Variants in RHBDL3 observed in about 807,000 individuals in gnomAD.
RHBDL3 encodes rhomboid like 3, also known as rhomboid-related protein 3.
A neutral mutation model predicts 48.2 loss-of-function variants in RHBDL3; 28 were observed. The ratio of observed to expected loss-of-function variants is 0.58; its 90% CI spans 0.43 to 0.80. The LOEUF is 0.80. Ranked by LOEUF, RHBDL3 falls within the 30% of genes least tolerant of loss-of-function variation. The pLI, the probability that RHBDL3 is intolerant of heterozygous loss-of-function variation, is 0.00. For missense variants in RHBDL3, 464 were observed against 542.7 expected, an observed-to-expected ratio of 0.85 and a Z score of 1.44; for synonymous variants, 208 against 232.3, an observed-to-expected ratio of 0.90 and a Z score of 0.95.
chr17:32,288,577 G>T (rs931600499), intron 3 of RHBDL3, among the ~76,000 whole-genome samples: 3 of 152,188 alleles, frequency 2.0e-5, no homozygotes, highest in African/African-American at 7.2e-5. Flanking sequence ...GGGAAGACTG[G>T]TGATCATCAA....
intron 7 of RHBDL3, 116 bp downstream of exon 7, chr17:32,305,557 C>G: frequency 1.4e-6 from 1 of 734,918 alleles, no homozygotes; most frequent in Middle Eastern, 2.3e-4. Flanking sequence ...TGACCTGGAG[C>G]AGAGTTCTCA....
At chr17:32,302,032 G>A (rs747864347) in intron 6 of RHBDL3, among the ~76,000 whole-genome samples, 3 of 152,224 alleles carry the variant, frequency 2.0e-5, no homozygotes, top group South Asian at 2.1e-4. Context: ...TTGGGGTGCA[G>A]GATACAGAAT....
rs893777932 is a variant in RHBDL3, at chr17:32,322,776, T to G, written c.*1547T>G. On this transcript the variant is annotated 3_prime_UTR_variant, in exon 9 of 9. Transcript: ENST00000269051. ...GAATGACCCTCCTAACAGGAGCTGGTGCAGGCCCCGAATGGAGGGCATGAG... is the reference window on the plus strand; with the variant it reads ...GAATGACCCTCCTAACAGGAGCTGGGGCAGGCCCCGAATGGAGGGCATGAG... 1 of 152,308 alleles carries G rather than the reference T, an allele frequency of 6.6e-6. No individual in the cohort carries two copies. Among genetic ancestry groups the G allele is most frequent in the Non-Finnish European group, 1.5e-5 (1 of 68,110 alleles). The allele number at this position is 152,308 out of a possible 1,614,324, so 9.4% of individuals were successfully genotyped here.
chr17:32,277,044 G>A (rs2039930929), intron 2 of RHBDL3, among the ~76,000 whole-genome samples: 2 of 152,234 alleles, frequency 1.3e-5, no homozygotes, highest in Non-Finnish European at 2.9e-5. Context: ...TTCTGCCTTG[G>A]TGTGTGTACA....
chr17:32,291,667 C>T (rs1313941390), intron 4 of RHBDL3, among the ~76,000 whole-genome samples: 1 of 151,446 alleles, frequency 6.6e-6, no homozygotes, highest in African/African-American at 2.4e-5. Context: ...GGTGACAGAA[C>T]AAGACTCTTA....
intron 6 of RHBDL3, among the ~76,000 whole-genome samples, chr17:32,302,366 GT>G (rs940608789): frequency 6.6e-6 from 1 of 151,494 alleles, no homozygotes; most frequent in Non-Finnish European, 1.5e-5. Context: ...GTTTTTTGGA[GT>G]TTTTTTTGAG....
At chr17:32,275,637 G>C (rs952187935) in intron 2 of RHBDL3, among the ~76,000 whole-genome samples, 1 of 152,138 alleles carries the variant, frequency 6.6e-6, no homozygotes, top group African/African-American at 2.4e-5. Flanking sequence ...CAAGGGCTCA[G>C]CCTGAGTTCA....
At chr17:32,315,482 CAG>C (rs1223207400) in intron 7 of RHBDL3, among the ~76,000 whole-genome samples, 2 of 152,180 alleles carry the variant, frequency 1.3e-5, no homozygotes, top group Non-Finnish European at 2.9e-5. Context: ...CCAAGATTCT[CAG>C]GGGAGAGAGG....
intron 8 of RHBDL3, among the ~76,000 whole-genome samples, chr17:32,317,080 C>T (rs762929285): frequency 2.0e-5 from 3 of 152,010 alleles, no homozygotes; most frequent in Non-Finnish European, 4.4e-5. Context: ...ACCATGTTGG[C>T]CAGGCTGGTC....
intron 7 of RHBDL3, among the ~76,000 whole-genome samples, chr17:32,313,404 C>A (rs755419550): frequency 6.6e-6 from 1 of 152,126 alleles, no homozygotes; most frequent in Non-Finnish European, 1.5e-5. Flanking sequence ...AATGTACATA[C>A]CATAAAATGT....
chr17:32,293,579 C>CAAA (rs5819974), intron 4 of RHBDL3, among the ~76,000 whole-genome samples: 1 of 120,428 alleles, frequency 8.3e-6, no homozygotes, highest in African/African-American at 3.1e-5. Context: ...GACCCTGTCT[C>CAAA]AAAAAAAAAA....
rs1382319950 is a variant in RHBDL3 at position 32,266,216 on chromosome 17, C to G, written c.27C>G (p.Pro9=). MGEHPSPG[P]AVAACAEAER... is the part of the protein sequence containing the mutation. Reference sequence around the variant, plus strand: ...TGGGCGAGCACCCCAGCCCGGGCCCCGCGGTGGCCGCCTGCGCCGAGGCGG... The same window carrying G: ...TGGGCGAGCACCCCAGCCCGGGCCCGGCGGTGGCCGCCTGCGCCGAGGCGG... The change falls in exon 1 of 9, where the codon CCC becomes CCG. Residue 9 remains proline, a synonymous_variant. Coordinates refer to ENST00000269051, the MANE Select transcript of RHBDL3 (RefSeq NM_138328.3). The G allele has an allele frequency of 7.1e-7, 1 of 1,413,690 alleles. No individual in the cohort carries two copies. The highest frequency in any genetic ancestry group is 1.5e-5 in the African/African-American group (1 of 66,518). 87.6% of individuals were successfully genotyped at this position (1,413,690 alleles called of 1,614,324 possible).
intron 7 of RHBDL3, among the ~76,000 whole-genome samples, chr17:32,305,940 C>G (rs1003387722): frequency 6.6e-6 from 1 of 151,188 alleles, no homozygotes; most frequent in African/African-American, 2.4e-5. Context: ...AATTTGGTCA[C>G]TAGCATATAT....
At position 32,284,723 on chromosome 17, in the gene RHBDL3, G is replaced by GCT. The variant is rs1200902133; in HGVS notation, c.202_203dup (p.Lys69ProfsTer31). 1.2e-6 allele frequency: 2 copies of GCT among 1,614,148 alleles called. No individual in the cohort carries two copies. The highest frequency in any genetic ancestry group is 2.7e-5 in the African/African-American group (2 of 75,060). Reference sequence around the variant, plus strand: ...TTCCGGAGTCTTCTGGAGAGCCACAGCTCCAAGCTGGACCCGCACAAAAGG... The same window carrying GCT: ...TTCCGGAGTCTTCTGGAGAGCCACAGCTCTCCAAGCTGGACCCGCACAAAAGG... On this transcript the variant is annotated frameshift_variant, in exon 3 of 9. Coordinates refer to ENST00000269051, the MANE Select transcript of RHBDL3 (RefSeq NM_138328.3). LOFTEE classifies it high-confidence loss of function.
rs1156849774 is a variant in RHBDL3 at position 32,283,317 on chromosome 17, CTT to C, written c.136-1321_136-1320del. Among the ~76,000 whole-genome samples, 257 of 92,912 alleles carry C rather than the reference CTT, an allele frequency of 2.8e-3. 1 individual carries two copies. The highest frequency in any genetic ancestry group is 9.5e-3 in the African/African-American group (218 of 23,024). 61.0% of individuals were successfully genotyped at this position (92,912 alleles called of 152,430 possible). A position where few individuals can be genotyped will look rare whatever the true frequency, so the allele number is the denominator to read the frequency against. On this transcript the variant is annotated intron_variant, in intron 2 of 8. Coordinates refer to ENST00000269051, the MANE Select transcript of RHBDL3 (RefSeq NM_138328.3). ...GGTGACTAAGATCCTGCCTTTTCTT[CTT>C]TTTTTTTTTTTTTTTTTTTTGAGAT...
Position 32,324,485 on chromosome 17 carries a change from A to G in RHBDL3, c.*3256A>G, listed in dbSNP as rs2041213594. 6.6e-6 allele frequency: 1 copy of G among 152,662 alleles called. No individual in the cohort carries two copies. The highest frequency in any genetic ancestry group is 6.5e-5 in the Admixed American group (1 of 15,282). 9.5% of individuals were successfully genotyped at this position (152,662 alleles called of 1,614,324 possible). ...GAAAGCACGGTTCTCCTCTGCCTTA[A>G]AAACAGTGCCCAACAGTGAACTGCC... On this transcript the variant is annotated 3_prime_UTR_variant, in exon 9 of 9. Coordinates refer to ENST00000269051, the MANE Select transcript of RHBDL3 (RefSeq NM_138328.3).
rs558607237 is a variant in RHBDL3, at chr17:32,284,001, C to A, written c.136-658C>A. Among the ~76,000 whole-genome samples the A allele has an allele frequency of 2.0e-5, 3 of 152,326 alleles. No homozygotes were observed. The South Asian group carries it at 6.2e-4, about 32-fold the overall frequency. The stretch of plus-strand genomic sequence containing the variant: ...AGGGAATCCCAGGCAGAGGGACCCA[C>A]GTGGTGCAAAGCTGCAAACGATGAA... On this transcript the variant is annotated intron_variant, in intron 2 of 8. Transcript: ENST00000269051.
Position 32,310,167 on chromosome 17 carries a change from G to A in RHBDL3, c.882+4726G>A, listed in dbSNP as rs143910283. On this transcript the variant is annotated intron_variant, in intron 7 of 8. Coordinates refer to ENST00000269051, the MANE Select transcript of RHBDL3 (RefSeq NM_138328.3). ...TCTACAAGATATTTACTTACACTTC[G>A]CTCTGTATGATTGATGTTTTCCCAA... Among the ~76,000 whole-genome samples, 4 of 152,172 alleles carry A rather than the reference G, an allele frequency of 2.6e-5. No individual in the cohort carries two copies. The East Asian group carries it at 5.8e-4, about 22-fold the overall frequency.
chr17:32,268,277 A>G (rs776232917), intron 2 of RHBDL3, among the ~76,000 whole-genome samples: 3 of 152,038 alleles, frequency 2.0e-5, no homozygotes, highest in South Asian at 2.1e-4. Flanking sequence ...TGGGCTGACA[A>G]TCCCTCTCCG....
Sources: gnomAD v4.1 joint callset for allele counts (sites outside exome capture counted in the v4.1 genomes callset) on GRCh38, gnomAD v4.1.1 for gene constraint, MANE v1.5 for transcripts, NCBI Gene and HGNC (gene_info 2026-07-23, HGNC 2026-07-21) for gene names.